TRIM59: variants seen among roughly 807,000 people sequenced by gnomAD.
TRIM59 encodes tripartite motif-containing protein 59.
In TRIM59, 14 loss-of-function variants were observed where a neutral mutation model predicts 32.2. The observed-to-expected ratio is 0.43, with a 90% CI of 0.29 to 0.68. The LOEUF (loss-of-function observed/expected upper bound fraction) is 0.68, where lower values mean the gene tolerates loss of function less well. TRIM59 is among the 30% of genes least tolerant of loss of function. The pLI is 0.15. For synonymous variants in TRIM59, 163 were observed against 155.1 expected, an observed-to-expected ratio of 1.05 and a Z score of -0.38; for missense variants, 471 against 463.3, an observed-to-expected ratio of 1.02 and a Z score of -0.15.
At chr3:160,439,308 T>TC in intron 2 of TRIM59, 122 bp from the exon 3 acceptor site, 1 of 782,138 alleles carries the variant, frequency 1.3e-6, no homozygotes, top group South Asian at 4.5e-5. Context: ...GAACAAGGTA[T>TC]TTTTAAAATG....
rs544309955 is a variant in TRIM59 at position 160,438,361 on chromosome 3, C to T, written c.823G>A (p.Val275Ile). The T allele has an allele frequency of 5.3e-5, 85 of 1,613,454 alleles. No individual in the cohort carries two copies. The South Asian group carries it at 7.0e-4, about 13-fold the overall frequency. ...KQRPLPEVQP[V>I]EIYPRVSKIL... is the part of the protein sequence containing the mutation. The stretch of plus-strand genomic sequence containing the variant: ...TTGCTTACTCGAGGATAAATTTCAA[C>T]GGGTTGAACCTCAGGAAGTGGTCTT... Residue 275 changes from valine to isoleucine, a missense_variant, in exon 3 of 3, where the codon GTT becomes ATT. Physicochemically the swap from Val to Ile is conservative, Grantham distance 29. Coordinates refer to ENST00000309784, the MANE Select transcript of TRIM59 (RefSeq NM_173084.3).
Position 160,436,256 on chromosome 3 carries a change from G to A in TRIM59, c.*1716C>T, listed in dbSNP as rs758748123. 87 of 992,370 alleles carry A rather than the reference G, an allele frequency of 8.8e-5. No homozygotes were observed. Among genetic ancestry groups the A allele is most frequent in the Non-Finnish European group, 1.0e-4 (84 of 834,310 alleles). The allele number at this position is 992,370 out of a possible 1,614,324, so 61.5% of individuals were successfully genotyped here. A position where few individuals can be genotyped will look rare whatever the true frequency, so the allele number is the denominator to read the frequency against. On this transcript the variant is annotated 3_prime_UTR_variant, in exon 3 of 3. Coordinates refer to ENST00000309784, the MANE Select transcript of TRIM59 (RefSeq NM_173084.3). ...AAAAGCTGTATTTATGATAGTTTATGTGCAATCTGTAGGGCCAGGAGCATA... is the reference window on the plus strand; with the variant it reads ...AAAAGCTGTATTTATGATAGTTTATATGCAATCTGTAGGGCCAGGAGCATA...
At chr3:160,441,767 A>G (rs181076436) in intron 2 of TRIM59, among the ~76,000 whole-genome samples, 11 of 151,342 alleles carry the variant, frequency 7.3e-5, no homozygotes, top group African/African-American at 9.7e-5. Context: ...AAAAAAAAAA[A>G]AAAAAGAAAA....
At chr3:160,444,581 A>G (rs535739214) in intron 2 of TRIM59, among the ~76,000 whole-genome samples, 1 of 152,316 alleles carries the variant, frequency 6.6e-6, no homozygotes, top group East Asian at 1.9e-4. Context: ...GATGAAATCT[A>G]TTCTCCCCCA....
chr3:160,435,557 G>A lies in TRIM59; in HGVS notation c.*2415C>T, dbSNP rs1225464305. On this transcript the variant is annotated 3_prime_UTR_variant, in exon 3 of 3. Transcript: ENST00000309784. ...CATATTTTGTTATACATAAAACTTA[G>A]AAATATTTCAAGATTTACATACATC... The A allele has an allele frequency of 6.0e-6, 1 of 168,034 alleles. No individual in the cohort carries two copies. Among genetic ancestry groups the A allele is most frequent in the African/African-American group, 2.4e-5 (1 of 41,622 alleles). The allele number at this position is 168,034 out of a possible 1,614,324, so 10.4% of individuals were successfully genotyped here. A position where few individuals can be genotyped will look rare whatever the true frequency, so the allele number is the denominator to read the frequency against.
Position 160,435,984 on chromosome 3 carries a change from T to C in TRIM59, c.*1988A>G. 2.4e-6 allele frequency: 3 copies of C among 1,267,818 alleles called. No homozygotes were observed. The highest frequency in any genetic ancestry group is 3.1e-6 in the Non-Finnish European group (3 of 979,440). The allele number at this position is 1,267,818 out of a possible 1,614,324, so 78.5% of individuals were successfully genotyped here. ...CTAACATTTCATTGCTTACGTGTTT[T>C]TGAAACTACAGGGCACTTTTATGGT... On this transcript the variant is annotated 3_prime_UTR_variant, in exon 3 of 3. Coordinates refer to ENST00000309784, the MANE Select transcript of TRIM59 (RefSeq NM_173084.3).
Position 160,435,736 on chromosome 3 carries a change from T to A in TRIM59, c.*2236A>T. 3.0e-6 allele frequency: 1 copy of A among 332,654 alleles called. No homozygotes were observed. Among genetic ancestry groups the A allele is most frequent in the Non-Finnish European group, 5.9e-6 (1 of 169,062 alleles). 20.6% of individuals were successfully genotyped at this position (332,654 alleles called of 1,614,324 possible). ...AATGTCAAATCTAAAATGATATATA[T>A]ACTTACGTTTTTAGCATTCTTACAG... On this transcript the variant is annotated 3_prime_UTR_variant, in exon 3 of 3. Transcript: ENST00000309784.
Position 160,436,387 on chromosome 3 carries a change from T to TA in TRIM59, c.*1584dup, listed in dbSNP as rs1290574535. On this transcript the variant is annotated 3_prime_UTR_variant, in exon 3 of 3. Coordinates refer to ENST00000309784, the MANE Select transcript of TRIM59 (RefSeq NM_173084.3). ...TCTGGAAAGCAAATCAACCTGCACT[T>TA]AGAGTTGCATGGACAGTGGGCCAAA... 29 of 985,998 alleles carry TA rather than the reference T, an allele frequency of 2.9e-5. No homozygotes were observed. In the East Asian group the frequency reaches 1.0e-3, roughly 35 times the overall value. 61.1% of individuals were successfully genotyped at this position (985,998 alleles called of 1,614,324 possible). A position where few individuals can be genotyped will look rare whatever the true frequency, so the allele number is the denominator to read the frequency against.
chr3:160,438,561 CAGAG>C lies in TRIM59; in HGVS notation c.619_622del (p.Leu207ValfsTer6), dbSNP rs1373848287. 93 of 1,611,174 alleles carry C rather than the reference CAGAG, an allele frequency of 5.8e-5. No individual in the cohort carries two copies. Among genetic ancestry groups the C allele is most frequent in the African/African-American group, 8.0e-5 (6 of 74,660 alleles). ...TTGATTAATTAGATTGCCAACATCA[CAGAG>C]AGCCGTTAGGAAACTTTTTTTTTTC... On this transcript the variant is annotated frameshift_variant, in exon 3 of 3. Coordinates refer to ENST00000309784, the MANE Select transcript of TRIM59 (RefSeq NM_173084.3). LOFTEE classifies it high-confidence loss of function.
intron 1 of TRIM59, chr3:160,449,490 C>T (rs1412412304): frequency 4.2e-6 from 5 of 1,203,166 alleles, no homozygotes; most frequent in Non-Finnish European, 5.3e-6. Context: ...CCACAGAGGG[C>T]CTCCTCCCTC....
chr3:160,437,802 A>C lies in TRIM59; in HGVS notation c.*170T>G. 1 of 1,258,120 alleles carries C rather than the reference A, an allele frequency of 7.9e-7. No homozygotes were observed. 77.9% of individuals were successfully genotyped at this position (1,258,120 alleles called of 1,614,324 possible). A position where few individuals can be genotyped will look rare whatever the true frequency, so the allele number is the denominator to read the frequency against. ...TGTTTCCCAAAGATTTGACTATTTC[A>C]GATATAACTTTGACATATCATTGCT... On this transcript the variant is annotated 3_prime_UTR_variant, in exon 3 of 3. Coordinates refer to ENST00000309784, the MANE Select transcript of TRIM59 (RefSeq NM_173084.3).
chr3:160,437,241 C>A lies in TRIM59; in HGVS notation c.*731G>T. 3.4e-6 allele frequency: 2 copies of A among 591,194 alleles called. No homozygotes were observed. The highest frequency in any genetic ancestry group is 4.3e-6 in the Non-Finnish European group (2 of 470,456). 36.6% of individuals were successfully genotyped at this position (591,194 alleles called of 1,614,324 possible). A position where few individuals can be genotyped will look rare whatever the true frequency, so the allele number is the denominator to read the frequency against. ...CATGGGGGTGTGTGCCTTGTCCCAG[C>A]TGCTCCAGAGGCAGAGGCGGGAGGA... On this transcript the variant is annotated 3_prime_UTR_variant, in exon 3 of 3. Coordinates refer to ENST00000309784, the MANE Select transcript of TRIM59 (RefSeq NM_173084.3).
At chr3:160,444,945 T>C (rs1423606768) in intron 2 of TRIM59, among the ~76,000 whole-genome samples, 1 of 152,080 alleles carries the variant, frequency 6.6e-6, no homozygotes, top group Non-Finnish European at 1.5e-5. Context: ...GAGAATTCTG[T>C]ACACAGCCAC....
At chr3:160,449,451 G>A (rs1719704704) in intron 1 of TRIM59, 1 of 1,165,148 alleles carries the variant, frequency 8.6e-7, no homozygotes, top group Non-Finnish European at 1.1e-6. Context: ...TGACCGACTC[G>A]GCGGCGTCCG....
rs140592607 is a variant in TRIM59, at chr3:160,439,821, T to C, written c.-3-635A>G. ...CTTTATCAGCAGCATGAAAACAGAC[T>C]AATACACTACATAATAAAGACTAAA... On this transcript the variant is annotated intron_variant, in intron 2 of 2. Transcript: ENST00000309784. Among the ~76,000 whole-genome samples the C allele has an allele frequency of 2.3e-3, 352 of 152,338 alleles. 3 individuals carry two copies. Among genetic ancestry groups the C allele is most frequent in the African/African-American group, 7.8e-3 (325 of 41,570 alleles).
In TRIM59 at chr3:160,435,838, A is replaced by G. The variant is rs1260094236; in HGVS notation, c.*2134T>C. 1.4e-5 allele frequency: 10 copies of G among 696,640 alleles called. No individual in the cohort carries two copies. Among genetic ancestry groups the G allele is most frequent in the Non-Finnish European group, 2.0e-5 (9 of 448,866 alleles). 43.2% of individuals were successfully genotyped at this position (696,640 alleles called of 1,614,324 possible). Reference sequence around the variant, plus strand: ...AGCATGAACTCTGAAAAGAGAATGCATGGGTTTTCTCACAGCTATATGGCC... The same window carrying G: ...AGCATGAACTCTGAAAAGAGAATGCGTGGGTTTTCTCACAGCTATATGGCC... On this transcript the variant is annotated 3_prime_UTR_variant, in exon 3 of 3. Coordinates refer to ENST00000309784, the MANE Select transcript of TRIM59 (RefSeq NM_173084.3).
chr3:160,445,311 G>A (rs1334322511), intron 2 of TRIM59, among the ~76,000 whole-genome samples: 1 of 152,090 alleles, frequency 6.6e-6, no homozygotes, highest in African/African-American at 2.4e-5. Flanking sequence ...AGCTACTCAG[G>A]AGGCTGAGGA....
rs757859973 is a variant in TRIM59 at position 160,438,528 on chromosome 3, G to A, written c.656C>T (p.Thr219Ile). The change falls in exon 3 of 3, where the codon ACT becomes ATT. Residue 219 changes from threonine to isoleucine, a missense_variant. Transcript: ENST00000309784. ...TTCCTTCATTCTTTCAATTTGTGGA[G>A]TATATTCTTGATTAATTAGATTGCC... ...DVGNLINQEY[T>I]PQIERMKEIR... is the part of the protein sequence containing the mutation. The A allele has an allele frequency of 1.2e-5, 20 of 1,611,934 alleles. No individual in the cohort carries two copies. Among genetic ancestry groups the A allele is most frequent in the Non-Finnish European group, 1.6e-5 (19 of 1,179,588 alleles).
In TRIM59 at chr3:160,436,242, T is replaced by C; in HGVS notation, c.*1730A>G. ...AACTAGTTCCCTGAAAAAGCTGTATTTATGATAGTTTATGTGCAATCTGTA... is the reference window on the plus strand; with the variant it reads ...AACTAGTTCCCTGAAAAAGCTGTATCTATGATAGTTTATGTGCAATCTGTA... On this transcript the variant is annotated 3_prime_UTR_variant, in exon 3 of 3. Transcript: ENST00000309784. 1.0e-6 allele frequency: 1 copy of C among 993,678 alleles called. No homozygotes were observed. The highest frequency in any genetic ancestry group is 5.1e-4 in the Middle Eastern group (1 of 1,948). The allele number at this position is 993,678 out of a possible 1,614,324, so 61.6% of individuals were successfully genotyped here.
Sources: allele counts gnomAD v4.1 joint callset (sites outside exome capture counted in the v4.1 genomes callset), GRCh38; gene constraint gnomAD v4.1.1; transcripts MANE v1.5; gene names NCBI Gene and HGNC (gene_info 2026-07-23, HGNC 2026-07-21).